FILIP1L: variants seen among roughly 807,000 people sequenced by gnomAD.
FILIP1L encodes filamin A interacting protein 1 like, also known as filamin A-interacting protein 1-like.
Under a neutral mutation model 96.6 loss-of-function variants are expected in FILIP1L, and 55 were observed. The ratio of observed to expected loss-of-function variants is 0.57; its 90% confidence interval spans 0.46 to 0.71. FILIP1L has a LOEUF of 0.71. Among genes scored for constraint, FILIP1L ranks in the 30% least tolerant of loss-of-function variants. The pLI is 0.00. For missense variants in FILIP1L, 1,304 were observed against 1,321.2 expected, an observed-to-expected ratio of 0.99 and a Z score of 0.20; for synonymous variants, 467 against 473.9, an observed-to-expected ratio of 0.99 and a Z score of 0.19.
chr3:100,111,649 C>T (rs1254630013), intron 1 of FILIP1L, among the ~76,000 whole-genome samples: 1 of 152,148 alleles, frequency 6.6e-6, no homozygotes, highest in African/African-American at 2.4e-5. Flanking sequence ...AAATCTTGAA[C>T]TACTGTCAGA....
intron 1 of FILIP1L, among the ~76,000 whole-genome samples, chr3:99,937,875 A>AT (rs1707729402): frequency 1.3e-5 from 2 of 152,234 alleles, no homozygotes; most frequent in African/African-American, 4.8e-5. Flanking sequence ...GCTTCAGTTC[A>AT]TTTATCTTAT....
At chr3:99,876,901 T>A (rs1245618578) in intron 4 of FILIP1L, among the ~76,000 whole-genome samples, 1 of 152,234 alleles carries the variant, frequency 6.6e-6, no homozygotes, top group Non-Finnish European at 1.5e-5. Context: ...TGTTTTGTGC[T>A]GTACTTTCAA....
chr3:99,899,513 G>GT (rs1255194324), intron 4 of FILIP1L, among the ~76,000 whole-genome samples: 8 of 152,236 alleles, frequency 5.3e-5, no homozygotes, highest in Non-Finnish European at 1.2e-4. Context: ...AAAGGATTTA[G>GT]TTTTTTTGTG....
chr3:100,029,027 A>C (rs2064977411), intron 1 of FILIP1L, among the ~76,000 whole-genome samples: 1 of 152,118 alleles, frequency 6.6e-6, no homozygotes, highest in East Asian at 1.9e-4. Context: ...ATTTTTCTTT[A>C]AAAAAAATTT....
At position 99,991,973 on chromosome 3, in the gene FILIP1L, C is replaced by CATATATGTGTGTATATAT. The variant is rs1248111331; in HGVS notation, c.-10-60944_-10-60943insATATATACACACATATAT. Reference sequence around the variant, plus strand: ...GTGTATATATGTGTGTATATATACACACATATATGTGTATATATACGTATA... The same window carrying CATATATGTGTGTATATAT: ...GTGTATATATGTGTGTATATATACACATATATGTGTGTATATATACATATATGTGTATATATACGTATA... On this transcript the variant is annotated intron_variant, in intron 1 of 5. Transcript: ENST00000477258. Among the ~76,000 whole-genome samples, 660 of 147,070 alleles carry CATATATGTGTGTATATAT rather than the reference C, an allele frequency of 4.5e-3. 7 individuals are homozygous for CATATATGTGTGTATATAT. Among genetic ancestry groups the CATATATGTGTGTATATAT allele is most frequent in the African/African-American group, 0.016 (643 of 39,778 alleles).
intron 1 of FILIP1L, among the ~76,000 whole-genome samples, chr3:100,104,053 G>A (rs370812824): frequency 6.6e-6 from 1 of 152,172 alleles, no homozygotes; most frequent in East Asian, 1.9e-4. Context: ...GGGGCTTCTA[G>A]CCATCCACTG....
At chr3:100,022,674 G>A (rs902405328) in intron 1 of FILIP1L, among the ~76,000 whole-genome samples, 12 of 152,176 alleles carry the variant, frequency 7.9e-5, no homozygotes, top group Non-Finnish European at 1.3e-4. Flanking sequence ...CATTCTGCCT[G>A]ACTCAGCTGG....
At chr3:99,975,272 T>C (rs1268407553) in intron 1 of FILIP1L, among the ~76,000 whole-genome samples, 3 of 152,198 alleles carry the variant, frequency 2.0e-5, no homozygotes, top group African/African-American at 7.2e-5. Flanking sequence ...TCCTTCTAGT[T>C]CGAGGAACTG....
intron 5 of FILIP1L, among the ~76,000 whole-genome samples, chr3:99,841,509 G>A (rs761684846): frequency 1.3e-5 from 2 of 152,162 alleles, no homozygotes; most frequent in African/African-American, 2.4e-5. Flanking sequence ...ATATTCATTA[G>A]TAACCTCACC....
At chr3:100,006,366 C>T (rs886852453) in intron 1 of FILIP1L, among the ~76,000 whole-genome samples, 2 of 152,046 alleles carry the variant, frequency 1.3e-5, no homozygotes, top group Non-Finnish European at 2.9e-5. Context: ...TAGGTACTTC[C>T]TTTGAATACC....
At chr3:100,062,086 T>C (rs1253397706) in intron 1 of FILIP1L, among the ~76,000 whole-genome samples, 3 of 131,590 alleles carry the variant, frequency 2.3e-5, no homozygotes, top group Non-Finnish European at 4.7e-5. Context: ...GGTTATCCTG[T>C]CTTCTTCTTT....
chr3:100,032,016 G>A (rs2065029937), intron 1 of FILIP1L, among the ~76,000 whole-genome samples: 1 of 151,880 alleles, frequency 6.6e-6, no homozygotes, highest in Admixed American at 6.6e-5. Context: ...TTTTTCAGCT[G>A]TTTAAAAATG....
intron 1 of FILIP1L, among the ~76,000 whole-genome samples, chr3:100,062,090 C>CTTTTTTTTT (rs2065577024): frequency 1.5e-5 from 1 of 67,880 alleles, no homozygotes; most frequent in Admixed American, 1.7e-4. Flanking sequence ...ATCCTGTCTT[C>CTTTTTTTTT]TTCTTTTTTT....
intron 1 of FILIP1L, among the ~76,000 whole-genome samples, chr3:100,023,790 C>G (rs1245644723): frequency 6.6e-6 from 1 of 152,178 alleles, no homozygotes; most frequent in Non-Finnish European, 1.5e-5. Context: ...CTCTGCATGT[C>G]TTACTCTCAG....
intron 4 of FILIP1L, among the ~76,000 whole-genome samples, chr3:99,922,517 C>T (rs987603917): frequency 5.9e-5 from 9 of 151,976 alleles, no homozygotes; most frequent in Admixed American, 1.3e-4. Context: ...TCTGGCACTC[C>T]GAAAAAATGC....
intron 1 of FILIP1L, among the ~76,000 whole-genome samples, chr3:100,021,573 A>T (rs924813810): frequency 1.4e-4 from 22 of 152,286 alleles, no homozygotes; most frequent in African/African-American, 5.3e-4. Context: ...CTTGAATTTG[A>T]AGCAAAGTCT....
In FILIP1L at chr3:99,842,329, A is replaced by C. The variant is rs183269155; in HGVS notation, c.3381+5966T>G. On this transcript the variant is annotated intron_variant, in intron 5 of 5. Coordinates refer to ENST00000477258, the MANE Select transcript of FILIP1L (RefSeq NM_001387850.1). ...ATGATACAGTGCACTCTGGGGACTC[A>C]GGGGAAAGAGTGGGAGGGGTGTAAG... is the stretch of plus-strand genomic sequence containing the variant. Among the ~76,000 whole-genome samples the C allele has an allele frequency of 6.6e-4, 100 of 152,296 alleles. 1 individual carries two copies. The East Asian group carries it at 0.013, about 20-fold the overall frequency.
chr3:100,074,147 T>TA (rs2065808475), intron 1 of FILIP1L, among the ~76,000 whole-genome samples: 2 of 152,216 alleles, frequency 1.3e-5, no homozygotes, highest in South Asian at 2.1e-4. Flanking sequence ...AAAGAGCTGA[T>TA]ACGCTGTTGT....
At chr3:99,922,439 C>T (rs538647262) in intron 4 of FILIP1L, among the ~76,000 whole-genome samples, 5 of 152,244 alleles carry the variant, frequency 3.3e-5, no homozygotes, top group South Asian at 2.1e-4. Flanking sequence ...TCCCCTGCCC[C>T]CTCTCTGCCG....
Sources: allele counts gnomAD v4.1 joint callset (sites outside exome capture counted in the v4.1 genomes callset), GRCh38; gene constraint gnomAD v4.1.1; transcripts MANE v1.5; gene names NCBI Gene and HGNC (gene_info 2026-07-23, HGNC 2026-07-21).